The following SPIRE2 variants were observed in gnomAD, a reference collection of about 807,000 sequenced individuals.
The protein encoded by SPIRE2 is protein spire homolog 2.
Under a neutral mutation model 80.7 loss-of-function variants are expected in SPIRE2, and 76 were observed. The ratio of observed to expected loss-of-function variants is 0.94; its 90% confidence interval spans 0.78 to 1.14. The LOEUF (loss-of-function observed/expected upper bound fraction) is 1.14, where lower values mean the gene tolerates loss of function less well. Among genes scored for constraint, SPIRE2 ranks in the 50% most tolerant of loss-of-function variants. The pLI is 0.00. For synonymous variants in SPIRE2, 535 were observed against 432.6 expected (o/e 1.24, Z -2.94); for missense variants, 1,196 against 1,015.3 (o/e 1.18, Z -2.42).
chr16:89,833,170 G>C (rs2041404567), intron 1 of SPIRE2, among the ~76,000 whole-genome samples: 1 of 151,878 alleles, frequency 6.6e-6, no homozygotes, highest in Non-Finnish European at 1.5e-5. Flanking sequence ...TGTATTTTTA[G>C]TAGAGATGGG....
At chr16:89,853,612 G>A (rs901838558) in intron 3 of SPIRE2, among the ~76,000 whole-genome samples, 21 of 152,126 alleles carry the variant, frequency 1.4e-4, no homozygotes, top group Admixed American at 3.3e-4. Context: ...CGAAGCCAGG[G>A]TGACCGGTTC....
intron 10 of SPIRE2, among the ~76,000 whole-genome samples, chr16:89,861,315 C>T (rs1026388960): frequency 1.3e-5 from 2 of 152,188 alleles, no homozygotes; most frequent in Admixed American, 6.5e-5. Flanking sequence ...CCGTGGGCCA[C>T]GGTGGCAGCA....
intron 9 of SPIRE2, among the ~76,000 whole-genome samples, chr16:89,860,050 A>G (rs1179706388): frequency 6.6e-6 from 1 of 152,100 alleles, no homozygotes; most frequent in African/African-American, 2.4e-5. Flanking sequence ...GCTGTGCCTC[A>G]GCCTCTGGGA....
rs532559473 is a variant in SPIRE2 at position 89,864,765 on chromosome 16, C to G, written c.1778+904C>G. On this transcript the variant is annotated intron_variant, in intron 12 of 14. Coordinates refer to ENST00000378247, the MANE Select transcript of SPIRE2 (RefSeq NM_032451.2). The stretch of plus-strand genomic sequence containing the variant: ...TCATAAAAGCAAGACCTGAAAGGAT[C>G]AAACTGTTCACAAGTATCTTAACTG... 5.9e-5 allele frequency among the ~76,000 whole-genome samples: 9 copies of G among 152,268 alleles called. 1 individual carries two copies. In the South Asian group the frequency reaches 1.9e-3, roughly 32 times the overall value.
chr16:89,857,219 C>G (rs989489457), intron 7 of SPIRE2, among the ~76,000 whole-genome samples: 1 of 150,852 alleles, frequency 6.6e-6, no homozygotes, highest in Non-Finnish European at 1.5e-5. Flanking sequence ...TCACTGCAGC[C>G]TCAACCTCTC....
intron 1 of SPIRE2, among the ~76,000 whole-genome samples, chr16:89,840,662 G>C (rs1453025024): frequency 1.4e-5 from 2 of 140,928 alleles, no homozygotes; most frequent in African/African-American, 5.4e-5. Context: ...TTTTGAGATG[G>C]AGTCACTCTG....
intron 9 of SPIRE2, 35 bp downstream of exon 9, chr16:89,859,389 G>A (rs769153947): frequency 1.2e-5 from 16 of 1,338,750 alleles, no homozygotes; most frequent in Non-Finnish European, 1.5e-5. Flanking sequence ...ACCCTCCTTC[G>A]CCCCCACCCC....
At chr16:89,834,508 T>C (rs1162146114) in intron 1 of SPIRE2, among the ~76,000 whole-genome samples, 21 of 50,380 alleles carry the variant, frequency 4.2e-4, no homozygotes, top group African/African-American at 2.6e-4. Flanking sequence ...ATCGTAGAAG[T>C]GTGGATAAGC....
chr16:89,858,479 C>G lies in SPIRE2; in HGVS notation c.1244C>G (p.Ala415Gly). ...GTGCTGCTCAAGGCGCCTACCTTGG[C>G]TGAAATGGAAGAGATGAATACATCT... The part of the protein sequence containing the change: ...PRVLLKAPTL[A>G]EMEEMNTSEE... Residue 415 changes from alanine to glycine, a missense_variant, in exon 8 of 15, where the codon GCT becomes GGT. Ala to Gly is a moderately conservative substitution (Grantham distance 60). Coordinates refer to ENST00000378247, the MANE Select transcript of SPIRE2 (RefSeq NM_032451.2). 1 of 1,604,966 alleles carries G rather than the reference C, an allele frequency of 6.2e-7. No homozygotes were observed.
At chr16:89,859,549 C>T (rs1464974261) in intron 9 of SPIRE2, among the ~76,000 whole-genome samples, 195 bp downstream of exon 9, 1 of 152,066 alleles carries the variant, frequency 6.6e-6, no homozygotes, top group Admixed American at 6.6e-5. Flanking sequence ...CTAAGTAATG[C>T]ATATTTATTA....
At chr16:89,841,930 G>A (rs2041509664) in intron 1 of SPIRE2, among the ~76,000 whole-genome samples, 2 of 151,896 alleles carry the variant, frequency 1.3e-5, no homozygotes, top group South Asian at 4.2e-4. Context: ...GTTTCTCCCT[G>A]TTGGTCAGGC....
chr16:89,865,088 G>A (rs930412262), intron 12 of SPIRE2, among the ~76,000 whole-genome samples: 13 of 147,226 alleles, frequency 8.8e-5, no homozygotes, highest in South Asian at 8.6e-4. Context: ...CTCACTGTAA[G>A]CTCCGCCTCC....
chr16:89,857,404 G>A (rs956395440), intron 7 of SPIRE2, among the ~76,000 whole-genome samples: 1 of 151,926 alleles, frequency 6.6e-6, no homozygotes, highest in African/African-American at 2.4e-5. Flanking sequence ...CCGAAGTGCT[G>A]GGATTATGGG....
rs377146694 is a variant in SPIRE2, at chr16:89,863,769, G to T, written c.1711-25G>T. ...CCCCAGGGAGCTTTGGACAAAGCGGGGCTCTAACCAGTCTCTCCTGACAGA... is the reference window on the plus strand; with the variant it reads ...CCCCAGGGAGCTTTGGACAAAGCGGTGCTCTAACCAGTCTCTCCTGACAGA... On this transcript the variant is annotated intron_variant, in intron 11 of 14. Coordinates refer to ENST00000378247, the MANE Select transcript of SPIRE2 (RefSeq NM_032451.2). This position sits in a 1 kb window ranked among gnomAD's most constrained non-coding sequence, Gnocchi z 4.3. 13 of 1,613,580 alleles carry T rather than the reference G, an allele frequency of 8.1e-6. No individual in the cohort carries two copies. The highest frequency in any genetic ancestry group is 1.1e-5 in the Non-Finnish European group (13 of 1,179,534).
intron 13 of SPIRE2, among the ~76,000 whole-genome samples, chr16:89,869,072 A>ATATATATATATATATG (rs67559135): frequency 0.023 from 1,496 of 65,624 alleles, 138 homozygotes; most frequent in African/African-American, 0.033. Flanking sequence ...ATATATATAT[A>ATATATATATATATATG]TATGTTACCC....
At chr16:89,842,625 G>C (rs2041516153) in intron 1 of SPIRE2, among the ~76,000 whole-genome samples, 1 of 152,178 alleles carries the variant, frequency 6.6e-6, no homozygotes. Context: ...TGAGGACCTC[G>C]CCTGATGTGG....
At chr16:89,841,482 G>A (rs368873968) in intron 1 of SPIRE2, among the ~76,000 whole-genome samples, 12 of 152,138 alleles carry the variant, frequency 7.9e-5, no homozygotes, top group South Asian at 2.1e-4. Context: ...CGTTGGTGAC[G>A]TGGTTGTGGT....
chr16:89,830,035 C>T (rs545162122), intron 1 of SPIRE2, among the ~76,000 whole-genome samples: 5 of 151,266 alleles, frequency 3.3e-5, no homozygotes, highest in Non-Finnish European at 7.4e-5. Flanking sequence ...CAGCCTGGTT[C>T]GTCTGACCCT....
chr16:89,865,339 G>A (rs2041780129), intron 12 of SPIRE2, among the ~76,000 whole-genome samples: 1 of 152,046 alleles, frequency 6.6e-6, no homozygotes, highest in African/African-American at 2.4e-5. Context: ...ACTATGGTAA[G>A]GTGAATCACT....
Sources: allele counts gnomAD v4.1 joint callset (sites outside exome capture counted in the v4.1 genomes callset), GRCh38; gene constraint gnomAD v4.1.1; non-coding constraint Gnocchi (gnomAD v3.1); transcripts MANE v1.5; gene names NCBI Gene and HGNC (gene_info 2026-07-23, HGNC 2026-07-21).